The following ABCD3 variants were observed in gnomAD, a reference collection of about 807,000 sequenced individuals.
The protein encoded by ABCD3 is ATP-binding cassette sub-family D member 3.
Under a neutral mutation model 105.5 loss-of-function variants are expected in ABCD3, and 41 were observed. That is an observed-to-expected ratio of 0.39 (90% CI 0.30 to 0.50). The LOEUF is 0.50. Ranked by LOEUF, ABCD3 falls within the 20% of genes least tolerant of loss-of-function variation. ABCD3 has a pLI of 0.84. For missense variants in ABCD3, 622 were observed against 806.3 expected, an observed-to-expected ratio of 0.77 and a Z score of 2.77; for synonymous variants, 258 against 269.0, an observed-to-expected ratio of 0.96 and a Z score of 0.40.
At chr1:94,503,167 C>G (rs1402642621) in intron 20 of ABCD3, among the ~76,000 whole-genome samples, 1 of 152,106 alleles carries the variant, frequency 6.6e-6, no homozygotes, top group African/African-American at 2.4e-5. Flanking sequence ...ATTGGACACT[C>G]CTGCTTTACA....
chr1:94,439,526 C>T (rs1660057530), intron 1 of ABCD3, among the ~76,000 whole-genome samples: 2 of 152,094 alleles, frequency 1.3e-5, no homozygotes, highest in Admixed American at 6.6e-5. Flanking sequence ...CATGTGGTCC[C>T]ACCTGCTCAG....
the ABCD3 span, among the ~76,000 whole-genome samples, chr1:94,390,026 T>G: frequency 6.6e-6 from 1 of 152,172 alleles, no homozygotes; most frequent in African/African-American, 2.4e-5. Context: ...CTGCCTTTCT[T>G]TCTATGTATA....
At chr1:94,432,861 C>CT (rs35010583) in intron 1 of ABCD3, among the ~76,000 whole-genome samples, 143,215 of 148,522 alleles carry the variant, frequency 0.96, 69,195 homozygotes, top group East Asian at 1. Flanking sequence ...AATTTTTTTT[C>CT]TTTTTTTTTT....
intron 8 of ABCD3, 179 bp downstream of exon 8, chr1:94,478,494 A>G (rs945337526): frequency 7.0e-7 from 1 of 1,438,520 alleles, no homozygotes; most frequent in Non-Finnish European, 9.7e-7. Context: ...TAGAAGTACT[A>G]ATTTTTCTTT....
chr1:94,493,876 T>C (rs867701831), intron 16 of ABCD3, among the ~76,000 whole-genome samples: 41 of 151,772 alleles, frequency 2.7e-4, no homozygotes, highest in African/African-American at 9.7e-4. Flanking sequence ...TTCTCACTCA[T>C]AGGTGGGAAT....
chr1:94,515,054 GAA>G, intron 21 of ABCD3, 90 bp from the exon 22 acceptor site: 1 of 1,014,826 alleles, frequency 9.9e-7, no homozygotes, highest in Non-Finnish European at 1.5e-6. Flanking sequence ...TTTAGTCACT[GAA>G]GACTGTCCTC....
the ABCD3 span, chr1:94,406,455 A>C: frequency 2.2e-3 from 859 of 390,554 alleles, 18 homozygotes; most frequent in Admixed American, 2.0e-3. Flanking sequence ...AGTTTTTCTC[A>C]CAAAGTGTGC....
intron 20 of ABCD3, among the ~76,000 whole-genome samples, chr1:94,500,134 A>G (rs1432958756): frequency 6.6e-6 from 1 of 152,178 alleles, no homozygotes; most frequent in Non-Finnish European, 1.5e-5. Flanking sequence ...TAGAATTTTT[A>G]AGTTTTCCTA....
chr1:94,418,825 T>C (rs1032114203), intron 1 of ABCD3: 5 of 550,844 alleles, frequency 9.1e-6, no homozygotes, highest in Admixed American at 3.3e-5. Context: ...CGAATTCTTC[T>C]GTGCCCGCGG....
chr1:94,481,204 A>G (rs1411799782), intron 9 of ABCD3, among the ~76,000 whole-genome samples: 7 of 152,230 alleles, frequency 4.6e-5, no homozygotes, highest in African/African-American at 1.7e-4. Context: ...TAATACATAT[A>G]AAGCTTCCAG....
At chr1:94,485,629 A>G (rs1649242744) in intron 10 of ABCD3, among the ~76,000 whole-genome samples, 1 of 152,146 alleles carries the variant, frequency 6.6e-6, no homozygotes, top group Non-Finnish European at 1.5e-5. Context: ...TGATCAGCCT[A>G]TTTGAAATGG....
the ABCD3 span, among the ~76,000 whole-genome samples, chr1:94,397,150 C>A: frequency 6.6e-6 from 1 of 152,138 alleles, no homozygotes; most frequent in Non-Finnish European, 1.5e-5. Context: ...AATATATAGA[C>A]AAGTTGCAGA....
intron 16 of ABCD3, among the ~76,000 whole-genome samples, chr1:94,491,796 AG>A (rs1189855683): frequency 1.3e-5 from 2 of 152,164 alleles, no homozygotes; most frequent in Non-Finnish European, 2.9e-5. Flanking sequence ...CAAATTAAAA[AG>A]AAAAGACAAA....
At chr1:94,443,377 A>C (rs1272315721) in intron 1 of ABCD3, among the ~76,000 whole-genome samples, 4 of 152,090 alleles carry the variant, frequency 2.6e-5, no homozygotes, top group Non-Finnish European at 5.9e-5. Flanking sequence ...TATTGGATGC[A>C]TAGTTTGCAA....
At chr1:94,437,184 A>G (rs1307102277) in intron 1 of ABCD3, among the ~76,000 whole-genome samples, 1 of 152,238 alleles carries the variant, frequency 6.6e-6, no homozygotes, top group Admixed American at 6.5e-5. Flanking sequence ...ATAATCGATA[A>G]AGGTGGACTA....
chr1:94,504,934 C>T (rs943683267), intron 20 of ABCD3, among the ~76,000 whole-genome samples: 1 of 151,964 alleles, frequency 6.6e-6, no homozygotes, highest in African/African-American at 2.4e-5. Flanking sequence ...CTTTTTAGTT[C>T]ATTTTAAAAA....
the ABCD3 span, among the ~76,000 whole-genome samples, chr1:94,397,654 G>T: frequency 6.6e-6 from 1 of 151,998 alleles, no homozygotes; most frequent in African/African-American, 2.4e-5. Flanking sequence ...TGGCTAAGGT[G>T]GTATGTGCCA....
the ABCD3 span, among the ~76,000 whole-genome samples, chr1:94,408,591 CT>C: frequency 1.3e-5 from 2 of 151,920 alleles, no homozygotes; most frequent in Non-Finnish European, 2.9e-5. Context: ...AAGACTCCAT[CT>C]CAAAAAACAA....
chr1:94,495,331 G>A (rs1015923562), intron 16 of ABCD3, among the ~76,000 whole-genome samples: 5 of 151,958 alleles, frequency 3.3e-5, no homozygotes, highest in African/African-American at 1.2e-4. Flanking sequence ...TGGTTGATCC[G>A]GTAAAGCATT....
Sources: gnomAD v4.1 joint callset for allele counts (sites outside exome capture counted in the v4.1 genomes callset) on GRCh38, gnomAD v4.1.1 for gene constraint, MANE v1.5 for transcripts, NCBI Gene and HGNC (gene_info 2026-07-23, HGNC 2026-07-21) for gene names.